Variants in P4HA3 observed in about 807,000 individuals in gnomAD.
P4HA3 encodes prolyl 4-hydroxylase subunit alpha-3.
P4HA3 carries 60 observed loss-of-function variants against 66.7 expected under a neutral mutation model. That is an observed-to-expected ratio of 0.90 (90% CI 0.73 to 1.12). The LOEUF is 1.12. Among genes scored for constraint, P4HA3 ranks in the 50% most tolerant of loss-of-function variants. The probability of loss-of-function intolerance (pLI) is 0.00; values close to 1 mark genes in which losing one functional copy is unlikely to be tolerated. For missense variants in P4HA3, 683 were observed against 685.8 expected (o/e 1.00, Z 0.05); for synonymous variants, 263 against 274.6 (o/e 0.96, Z 0.42).
At position 74,261,314 on chromosome 11, in the gene P4HA3, A is replaced by C. The variant is rs1016886537; in HGVS notation, c.*1105-1178T>G. On this transcript the variant is annotated intron_variant and NMD_transcript_variant, in intron 14 of 15. Transcript: ENST00000524388. ...TGACTGGCTTGTGAGTATGCAAAAAAGGTTAAAGCAAAGACACCATTCACA... is the reference window on the plus strand; with the variant it reads ...TGACTGGCTTGTGAGTATGCAAAAACGGTTAAAGCAAAGACACCATTCACA... Among the ~76,000 whole-genome samples the C allele has an allele frequency of 5.0e-4, 76 of 152,296 alleles. 1 individual carries two copies. The highest frequency in any genetic ancestry group is 1.8e-3 in the African/African-American group (75 of 41,566).
chr11:74,271,406 T>A (rs1860192494), intron 10 of P4HA3, among the ~76,000 whole-genome samples: 1 of 152,168 alleles, frequency 6.6e-6, no homozygotes, highest in Non-Finnish European at 1.5e-5. Flanking sequence ...AGCCAACACA[T>A]TAAAAAGAAA....
intron 4 of P4HA3, among the ~76,000 whole-genome samples, chr11:74,292,360 C>T (rs1338328254): frequency 1.3e-4 from 20 of 152,098 alleles, no homozygotes; most frequent in Admixed American, 6.5e-4. Context: ...TTCTTGCTAG[C>T]GGTCTATCAA....
chr11:74,279,104 C>G (rs1038957089), intron 8 of P4HA3, among the ~76,000 whole-genome samples: 1 of 152,186 alleles, frequency 6.6e-6, no homozygotes, highest in Non-Finnish European at 1.5e-5. Context: ...TCTGGAAAAG[C>G]AATCCTGTTT....
chr11:74,291,244 T>C (rs1861011662), intron 4 of P4HA3, among the ~76,000 whole-genome samples: 1 of 152,216 alleles, frequency 6.6e-6, no homozygotes, highest in Admixed American at 6.5e-5. Context: ...TGGCTCTCTG[T>C]TTGTCTGTTA....
chr11:74,260,431 C>T (rs1400144794), intron 14 of P4HA3, among the ~76,000 whole-genome samples: 1 of 152,172 alleles, frequency 6.6e-6, no homozygotes. Context: ...GATTCTAGAA[C>T]CCCAGAATCT....
chr11:74,290,705 A>C (rs981429720), intron 4 of P4HA3, among the ~76,000 whole-genome samples: 8 of 152,182 alleles, frequency 5.3e-5, no homozygotes, highest in African/African-American at 1.9e-4. Flanking sequence ...ATAGGGAATC[A>C]TTTCCCCATT....
chr11:74,297,017 C>T (rs112331711), intron 4 of P4HA3, among the ~76,000 whole-genome samples: 7,626 of 151,094 alleles, frequency 0.05, 491 homozygotes, highest in African/African-American at 0.15. Context: ...CCACAACTTC[C>T]ACCTCTCGGG....
rs370080190 is a variant in P4HA3 at position 74,253,354 on chromosome 11, T to A, written c.*1319-5353A>T. ...TGAGAGCAGACCCTGGGTCCAGCTC[T>A]GGTCAGGGCTGTGAAATGGGTCAGA... On this transcript the variant is annotated intron_variant and NMD_transcript_variant, in intron 15 of 15. Transcript: ENST00000524388. 4 of 830,430 alleles carry A rather than the reference T, an allele frequency of 4.8e-6. No individual in the cohort carries two copies. In the East Asian group the frequency reaches 7.9e-5, roughly 16 times the overall value. The allele number at this position is 830,430 out of a possible 1,614,324, so 51.4% of individuals were successfully genotyped here.
chr11:74,275,581 T>C (rs1860366928), intron 9 of P4HA3, among the ~76,000 whole-genome samples: 1 of 152,250 alleles, frequency 6.6e-6, no homozygotes, highest in African/African-American at 2.4e-5. Flanking sequence ...TGTAGCTCTA[T>C]ATTAAGTTTT....
intron 14 of P4HA3, among the ~76,000 whole-genome samples, chr11:74,261,004 A>G (rs1023743120): frequency 6.6e-6 from 1 of 152,164 alleles, no homozygotes; most frequent in African/African-American, 2.4e-5. Context: ...TCACGTGGCC[A>G]CAGACCTGCC....
intron 4 of P4HA3, among the ~76,000 whole-genome samples, chr11:74,292,478 C>T (rs1477094001): frequency 6.6e-6 from 1 of 151,946 alleles, no homozygotes; most frequent in East Asian, 1.9e-4. Context: ...TATTTCTTGC[C>T]TTCTGCTAGC....
chr11:74,251,425 G>A (rs937524200), intron 15 of P4HA3: 104 of 1,396,692 alleles, frequency 7.4e-5, no homozygotes, highest in Middle Eastern at 2.7e-4. Flanking sequence ...AGCCCTTCAC[G>A]TCATTCCTCT....
chr11:74,257,617 G>A (rs1359399223), intron 15 of P4HA3, among the ~76,000 whole-genome samples: 1 of 152,150 alleles, frequency 6.6e-6, no homozygotes, highest in Non-Finnish European at 1.5e-5. Flanking sequence ...AGGGCATAAA[G>A]GCCTTAAGTG....
At chr11:74,287,727 T>C (rs960257783) in intron 5 of P4HA3, among the ~76,000 whole-genome samples, 1 of 152,218 alleles carries the variant, frequency 6.6e-6, no homozygotes, top group Admixed American at 6.5e-5. Flanking sequence ...TTGTATCTCA[T>C]TGTAGTATCT....
chr11:74,264,859 C>A (rs1173881010), downstream of P4HA3, among the ~76,000 whole-genome samples: 3 of 152,226 alleles, frequency 2.0e-5, no homozygotes, highest in African/African-American at 7.2e-5. Context: ...AGCCCAGGGC[C>A]TGCGCCTGAG....
chr11:74,286,355 T>C lies in P4HA3; in HGVS notation c.806A>G (p.Lys269Arg). ...DNKRMARNVL[K>R]YERLLAESPN... ...GCTCTCTGCCAAGAGCCTTTCATAT[T>C]TCAAGACATTCCTGGCCATCCTCTT... Residue 269 changes from lysine (K) to arginine (R), a missense_variant, in exon 6 of 13, where the codon AAA becomes AGA. By Grantham distance (26) the Lys-to-Arg change is conservative. Transcript: ENST00000331597. 6.4e-7 allele frequency: 1 copy of C among 1,574,440 alleles called. No homozygotes were observed. Among genetic ancestry groups the C allele is most frequent in the South Asian group, 1.2e-5 (1 of 84,844 alleles).
At chr11:74,252,387 G>A (rs1000734488) in intron 15 of P4HA3, 28 of 453,394 alleles carry the variant, frequency 6.2e-5, no homozygotes, top group African/African-American at 4.0e-4. Flanking sequence ...ACAAGCCACC[G>A]CGCCTGGCCT....
rs1826917125 is a variant in P4HA3 at position 74,267,082 on chromosome 11, C to T, written c.*166G>A. On this transcript the variant is annotated 3_prime_UTR_variant, in exon 13 of 13. Coordinates refer to ENST00000331597, the MANE Select transcript of P4HA3 (RefSeq NM_182904.5). ...CAGATCAAATGTACATTCTCAGTGT[C>T]CCCTGGTAACAACCTCTCCCTTGCC... The T allele has an allele frequency of 6.5e-7, 1 of 1,537,838 alleles. No individual in the cohort carries two copies. Among genetic ancestry groups the T allele is most frequent in the African/African-American group, 1.4e-5 (1 of 73,134 alleles).
chr11:74,305,829 G>C (rs1459849785), intron 1 of P4HA3, among the ~76,000 whole-genome samples: 1 of 152,118 alleles, frequency 6.6e-6, no homozygotes, highest in African/African-American at 2.4e-5. Context: ...CTAGGAGCTA[G>C]GGACAAAATT....
Sources: allele counts gnomAD v4.1 joint callset (sites outside exome capture counted in the v4.1 genomes callset), GRCh38; gene constraint gnomAD v4.1.1; transcripts MANE v1.5; gene names NCBI Gene and HGNC (gene_info 2026-07-23, HGNC 2026-07-21).